The following CDH23 variants were observed in gnomAD, a reference collection of about 807,000 sequenced individuals.
The protein encoded by CDH23 is cadherin related 23, also known as cadherin-23.
CDH23 carries 189 observed loss-of-function variants against 317.1 expected under a neutral mutation model. That is an observed-to-expected ratio of 0.60 (90% confidence interval 0.53 to 0.67). The LOEUF is 0.67. CDH23 is among the 30% of genes least tolerant of loss of function. The probability of loss-of-function intolerance (pLI) is 0.00; values close to 1 mark genes in which losing one functional copy is unlikely to be tolerated. For synonymous variants in CDH23, 1,839 were observed against 1,876.8 expected, an observed-to-expected ratio of 0.98 and a Z score of 0.52; for missense variants, 4,401 against 4,592.4, an observed-to-expected ratio of 0.96 and a Z score of 1.20.
rs1841719538 is a variant in CDH23 at position 71,806,291 on chromosome 10, C to T, written c.8178+10C>T. 25 of 1,537,808 alleles carry T rather than the reference C, an allele frequency of 1.6e-5. No individual in the cohort carries two copies. Among genetic ancestry groups the T allele is most frequent in the Non-Finnish European group, 2.1e-5 (24 of 1,137,478 alleles). On this transcript the variant is annotated intron_variant, in intron 57 of 69. Coordinates refer to ENST00000224721, the MANE Select transcript of CDH23 (RefSeq NM_022124.6). Reference sequence around the variant, plus strand: ...TTTCGTGAGGCCTCCAGTGAGCTTGCCCACCTCCTGCGCTGGTCACACCCA... The same window carrying T: ...TTTCGTGAGGCCTCCAGTGAGCTTGTCCACCTCCTGCGCTGGTCACACCCA...
At chr10:71,614,160 C>T (rs975694934) in intron 9 of CDH23, among the ~76,000 whole-genome samples, 1 of 152,220 alleles carries the variant, frequency 6.6e-6, no homozygotes, top group Non-Finnish European at 1.5e-5. Flanking sequence ...TAAACAGCCC[C>T]TCCCTGCTGT....
chr10:71,615,035 G>A (rs1341991610), intron 9 of CDH23, among the ~76,000 whole-genome samples: 1 of 152,060 alleles, frequency 6.6e-6, no homozygotes, highest in Admixed American at 6.6e-5. Context: ...TAAAAAATTA[G>A]AATAGAATAT....
At chr10:71,674,476 G>A (rs150999893) in intron 14 of CDH23, among the ~76,000 whole-genome samples, 4 of 152,328 alleles carry the variant, frequency 2.6e-5, no homozygotes, top group Non-Finnish European at 5.9e-5. Flanking sequence ...GCATCTGGTG[G>A]CAGGCAGCAG....
intron 3 of CDH23, among the ~76,000 whole-genome samples, chr10:71,476,870 A>T (rs1186121557): frequency 1.3e-5 from 2 of 152,154 alleles, no homozygotes; most frequent in African/African-American, 4.8e-5. Context: ...GAGTGAGAAC[A>T]TTCCTGAGAG....
intron 11 of CDH23, among the ~76,000 whole-genome samples, chr10:71,637,468 C>T (rs923606645): frequency 1.3e-5 from 2 of 152,100 alleles, no homozygotes; most frequent in African/African-American, 4.8e-5. Context: ...CCACAGTAGC[C>T]CTATCAAATA....
intron 38 of CDH23, among the ~76,000 whole-genome samples, chr10:71,759,946 CAT>C (rs1292389919): frequency 4.3e-5 from 4 of 93,172 alleles, no homozygotes; most frequent in East Asian, 2.9e-4. Context: ...TACACACACA[CAT>C]ATATATACAC....
intron 6 of CDH23, among the ~76,000 whole-genome samples, chr10:71,532,727 GTTTTTTTTTTTTTTTT>G: frequency 1.1e-5 from 1 of 93,960 alleles, no homozygotes; most frequent in South Asian, 3.6e-4. Flanking sequence ...TTTTTTTTTT[GTTTTTTTTTTTTTTTT>G]TTTTGAGACG....
At chr10:71,472,570 A>G (rs979037301) in intron 3 of CDH23, among the ~76,000 whole-genome samples, 4 of 152,206 alleles carry the variant, frequency 2.6e-5, no homozygotes, top group African/African-American at 9.6e-5. Flanking sequence ...TGTCCAGGAA[A>G]TGCCTGGGTG....
chr10:71,807,210 TG>T, intron 57 of CDH23, 66 bp from the exon 58 acceptor site: 3 of 1,585,496 alleles, frequency 1.9e-6, no homozygotes, highest in Non-Finnish European at 1.7e-6. Flanking sequence ...CCCAGGGCCC[TG>T]AAACAGGGAC....
Position 71,695,444 on chromosome 10 carries a change from T to C in CDH23, c.2316T>C (p.Asn772=), listed in dbSNP as rs3752752. ...ATVNITLLDI[N]DNHPTWKDAP... is the part of the protein sequence containing the mutation. Reference sequence around the variant, plus strand: ...TAAACATCACCCTCCTGGACATCAATGACAACCACCCCACGTGGAAGGACG... The same window carrying C: ...TAAACATCACCCTCCTGGACATCAACGACAACCACCCCACGTGGAAGGACG... Residue 772 remains asparagine, a synonymous_variant, in exon 22 of 70, where the codon AAT becomes AAC. Coordinates refer to ENST00000224721, the MANE Select transcript of CDH23 (RefSeq NM_022124.6). 0.68 allele frequency: 1,092,138 copies of C among 1,611,520 alleles called. 375,141 individuals carry two copies. Among genetic ancestry groups the C allele is most frequent in the Non-Finnish European group, 0.71 (838,511 of 1,177,798 alleles).
At chr10:71,658,213 A>C (rs538490054) in intron 14 of CDH23, among the ~76,000 whole-genome samples, 8 of 152,128 alleles carry the variant, frequency 5.3e-5, no homozygotes, top group Admixed American at 2.6e-4. Context: ...TTGAAACCTA[A>C]ATGGCGTGGA....
chr10:71,626,952 T>G (rs10999921), intron 11 of CDH23, among the ~76,000 whole-genome samples: 1 of 152,036 alleles, frequency 6.6e-6, no homozygotes, highest in Admixed American at 6.6e-5. Flanking sequence ...TGCAGAGAAG[T>G]GGGGGTCTTC....
At chr10:71,399,884 C>T (rs1434324199) in intron 1 of CDH23, among the ~76,000 whole-genome samples, 1 of 152,002 alleles carries the variant, frequency 6.6e-6, no homozygotes, top group African/African-American at 2.4e-5. Context: ...ACGCCTGAGA[C>T]GGAGACTAGA....
intron 6 of CDH23, among the ~76,000 whole-genome samples, chr10:71,555,972 G>T (rs1302200000): frequency 6.6e-6 from 1 of 152,166 alleles, no homozygotes; most frequent in Non-Finnish European, 1.5e-5. Context: ...GGGAGGGAGT[G>T]TCAGTCATTG....
intron 11 of CDH23, among the ~76,000 whole-genome samples, chr10:71,640,288 G>A (rs757647827): frequency 1.3e-5 from 2 of 152,120 alleles, no homozygotes; most frequent in Admixed American, 6.5e-5. Context: ...CGCCCCAGCC[G>A]ACACATGGTT....
At chr10:71,430,627 A>T (rs556520200) in intron 1 of CDH23, among the ~76,000 whole-genome samples, 1 of 152,208 alleles carries the variant, frequency 6.6e-6, no homozygotes, top group Admixed American at 6.5e-5. Context: ...GACCAACATG[A>T]TGAAATCCCG....
chr10:71,403,330 T>TCTTC (rs1847880905), intron 1 of CDH23, among the ~76,000 whole-genome samples: 1 of 44,058 alleles, frequency 2.3e-5, no homozygotes, highest in Non-Finnish European at 4.8e-5. Context: ...TTCCTTCCTT[T>TCTTC]CTTTCTTTCT....
At chr10:71,681,410 A>G (rs1388712924) in intron 17 of CDH23, among the ~76,000 whole-genome samples, 2 of 152,136 alleles carry the variant, frequency 1.3e-5, no homozygotes, top group Non-Finnish European at 2.9e-5. Flanking sequence ...AGTGGTAGGG[A>G]TATTTCAGGG....
intron 66 of CDH23, 44 bp from the exon 67 acceptor site, chr10:71,812,436 C>A: frequency 6.2e-7 from 1 of 1,611,326 alleles, no homozygotes; most frequent in South Asian, 1.1e-5. Flanking sequence ...CCTGTCTACT[C>A]GAGCCTTCCC....
Sources: gnomAD v4.1 joint callset for allele counts (sites outside exome capture counted in the v4.1 genomes callset) on GRCh38, gnomAD v4.1.1 for gene constraint, MANE v1.5 for transcripts, NCBI Gene and HGNC (gene_info 2026-07-23, HGNC 2026-07-21) for gene names.